Variants in SVIL observed in about 807,000 individuals in gnomAD.
SVIL encodes the protein archvillin.
A neutral mutation model predicts 240.4 loss-of-function variants in SVIL; 101 were observed. The ratio of observed to expected loss-of-function variants is 0.42; its 90% CI spans 0.36 to 0.50. SVIL has a LOEUF of 0.50. SVIL is among the 20% of genes least tolerant of loss of function. The probability of loss-of-function intolerance (pLI) is 0.01; values close to 1 mark genes in which losing one functional copy is unlikely to be tolerated. For synonymous variants in SVIL, 999 were observed against 1,100.0 expected, an observed-to-expected ratio of 0.91 and a Z score of 1.82; for missense variants, 2,512 against 2,818.7, an observed-to-expected ratio of 0.89 and a Z score of 2.46.
intron 1 of SVIL, among the ~76,000 whole-genome samples, chr10:29,610,330 T>C (rs1490215534): frequency 1.3e-5 from 2 of 151,994 alleles, no homozygotes; most frequent in African/African-American, 2.4e-5. Context: ...CCATCCTCCA[T>C]AGGGCCACAG....
At position 29,715,246 on chromosome 10, in the gene SVIL, A is replaced by G. The variant is rs150296317; in HGVS notation, c.-400+20505T>C. Among the ~76,000 whole-genome samples the G allele has an allele frequency of 1.3e-4, 20 of 152,268 alleles. No individual in the cohort carries two copies. The East Asian group carries it at 2.9e-3, about 22-fold the overall frequency. On this transcript the variant is annotated intron_variant, in intron 1 of 35. Coordinates refer to the SVIL transcript ENST00000375400. Reference sequence around the variant, plus strand: ...TCTGAATTCTAGAATGCTTTATATCATTATTTTGTATTCAACACACAAACC... The same window carrying G: ...TCTGAATTCTAGAATGCTTTATATCGTTATTTTGTATTCAACACACAAACC...
intron 1 of SVIL, among the ~76,000 whole-genome samples, chr10:29,722,148 G>A (rs1964024880): frequency 6.7e-6 from 1 of 150,204 alleles, no homozygotes; most frequent in South Asian, 2.1e-4. Flanking sequence ...TGAGGCCAGA[G>A]AATCGTTTGA....
Position 29,661,312 on chromosome 10 carries a change from T to C in SVIL, c.-300-3244A>G, listed in dbSNP as rs190929393. Among the ~76,000 whole-genome samples, 6 of 152,244 alleles carry C rather than the reference T, an allele frequency of 3.9e-5. No individual in the cohort carries two copies. The East Asian group carries it at 1.2e-3, about 29-fold the overall frequency. On this transcript the variant is annotated intron_variant, in intron 2 of 35. Coordinates refer to the SVIL transcript ENST00000375400. Reference sequence around the variant, plus strand: ...AAACCCCACCATCAACCAGCTTTCATGCAGTCAGGATCATTTAGGAAAAAT... The same window carrying C: ...AAACCCCACCATCAACCAGCTTTCACGCAGTCAGGATCATTTAGGAAAAAT...
intron 7 of SVIL, 61 bp downstream of exon 7, chr10:29,535,928 G>C: frequency 6.5e-7 from 1 of 1,548,386 alleles, no homozygotes. Context: ...GCTGATGTGT[G>C]GTCAGGCAGG....
chr10:29,619,881 T>A (rs192711121), intron 1 of SVIL, among the ~76,000 whole-genome samples: 229 of 152,330 alleles, frequency 1.5e-3, no homozygotes, highest in South Asian at 9.7e-3. Context: ...ACATTTTTTT[T>A]AAATGTGGAT....
At chr10:29,727,799 G>A (rs1050112517) in intron 1 of SVIL, among the ~76,000 whole-genome samples, 16 of 151,792 alleles carry the variant, frequency 1.1e-4, no homozygotes, top group Non-Finnish European at 1.9e-4. Context: ...TTTTTGCAGG[G>A]AACAAGTGCC....
intron 17 of SVIL, chr10:29,508,663 A>C: frequency 2.9e-6 from 1 of 342,692 alleles, no homozygotes; most frequent in Non-Finnish European, 5.8e-6. Flanking sequence ...TGGAATTTCA[A>C]TGGCAGCAGA....
chr10:29,515,165 C>T (rs1950126200), intron 16 of SVIL, among the ~76,000 whole-genome samples: 1 of 152,194 alleles, frequency 6.6e-6, no homozygotes, highest in African/African-American at 2.4e-5. Context: ...GGTAAGGCTG[C>T]CTTGTCAATC....
chr10:29,736,393 GC>G (rs1453928606), upstream of SVIL, among the ~76,000 whole-genome samples: 1 of 152,244 alleles, frequency 6.6e-6, no homozygotes, highest in African/African-American at 2.4e-5. Flanking sequence ...CTGGGAAGAT[GC>G]TTGGGCTAGC....
intron 16 of SVIL, among the ~76,000 whole-genome samples, 165 bp downstream of exon 16, chr10:29,522,245 C>G (rs1950605905): frequency 6.6e-6 from 1 of 152,198 alleles, no homozygotes; most frequent in Admixed American, 6.5e-5. Flanking sequence ...GCAGTTCACT[C>G]TCAAACACCT....
chr10:29,655,953 A>G (rs147194496), intron 3 of SVIL, among the ~76,000 whole-genome samples: 2 of 150,266 alleles, frequency 1.3e-5, no homozygotes, highest in African/African-American at 4.9e-5. Flanking sequence ...GCTCACTGCA[A>G]CCTTAGACTT....
chr10:29,678,278 A>G (rs529289645), intron 2 of SVIL, among the ~76,000 whole-genome samples: 3 of 151,992 alleles, frequency 2.0e-5, no homozygotes, highest in African/African-American at 7.2e-5. Flanking sequence ...TCCTGCAACT[A>G]GATAGTCCCA....
intron 1 of SVIL, among the ~76,000 whole-genome samples, chr10:29,702,997 A>T (rs1038058648): frequency 1.3e-5 from 2 of 152,204 alleles, no homozygotes; most frequent in Non-Finnish European, 2.9e-5. Flanking sequence ...TTGCTGTAAA[A>T]AAAAAGAATG....
At chr10:29,699,199 G>T (rs1184996635) in intron 1 of SVIL, among the ~76,000 whole-genome samples, 1 of 152,158 alleles carries the variant, frequency 6.6e-6, no homozygotes, top group East Asian at 1.9e-4. Context: ...TGTGATCATA[G>T]CTCACTGAAG....
intron 1 of SVIL, among the ~76,000 whole-genome samples, chr10:29,611,570 G>C (rs994072790): frequency 1.3e-5 from 2 of 152,142 alleles, no homozygotes; most frequent in Non-Finnish European, 2.9e-5. Flanking sequence ...TAGCATTCTA[G>C]AATATTTTGG....
intron 1 of SVIL, among the ~76,000 whole-genome samples, chr10:29,709,209 G>A (rs1963112165): frequency 6.6e-6 from 1 of 152,130 alleles, no homozygotes; most frequent in Non-Finnish European, 1.5e-5. Context: ...AGACGTTTTT[G>A]GATTCTGGAA....
intron 3 of SVIL, among the ~76,000 whole-genome samples, chr10:29,640,736 G>T (rs561875778): frequency 6.6e-6 from 1 of 152,230 alleles, no homozygotes; most frequent in African/African-American, 2.4e-5. Flanking sequence ...ACTAAGCCTC[G>T]GTTCCTGCCT....
intron 16 of SVIL, among the ~76,000 whole-genome samples, chr10:29,521,506 C>G (rs1950561923): frequency 6.6e-6 from 1 of 152,112 alleles, no homozygotes; most frequent in Non-Finnish European, 1.5e-5. Flanking sequence ...CTACTGAATA[C>G]TTTCTCCTTT....
chr10:29,709,803 G>A (rs946197532), intron 1 of SVIL, among the ~76,000 whole-genome samples: 2 of 152,120 alleles, frequency 1.3e-5, no homozygotes, highest in Admixed American at 6.5e-5. Context: ...GCACCCAGCC[G>A]GCTCCCAGCA....
Sources: allele counts gnomAD v4.1 joint callset (sites outside exome capture counted in the v4.1 genomes callset), GRCh38; gene constraint gnomAD v4.1.1; transcripts MANE v1.5; gene names NCBI Gene and HGNC (gene_info 2026-07-23, HGNC 2026-07-21).